Variants in SLC25A48 observed in about 807,000 individuals in gnomAD.
SLC25A48 encodes the protein solute carrier family 25 member 48.
Under a neutral mutation model 32.2 loss-of-function variants are expected in SLC25A48, and 29 were observed. The ratio of observed to expected loss-of-function variants is 0.90; its 90% confidence interval spans 0.67 to 1.23. The LOEUF is 1.23. Among genes scored for constraint, SLC25A48 ranks in the 50% most tolerant of loss-of-function variants. The pLI is 0.00. For missense variants in SLC25A48, 399 were observed against 422.7 expected (o/e 0.94, Z 0.49); for synonymous variants, 164 against 172.3 (o/e 0.95, Z 0.38).
At chr5:135,882,618 C>T (rs1762556904) in intron 7 of SLC25A48, among the ~76,000 whole-genome samples, 1 of 152,084 alleles carries the variant, frequency 6.6e-6, no homozygotes, top group South Asian at 2.1e-4. Flanking sequence ...GAGATATCCC[C>T]CAGCTTTTCC....
chr5:135,694,921 G>C (rs1431692607), intron 3 of SLC25A48, among the ~76,000 whole-genome samples: 1 of 152,088 alleles, frequency 6.6e-6, no homozygotes, highest in Admixed American at 6.5e-5. Flanking sequence ...TTCTTCAAAG[G>C]CTTCCCAAGC....
intron 7 of SLC25A48, among the ~76,000 whole-genome samples, chr5:135,880,936 C>G (rs1359966275): frequency 5.3e-5 from 8 of 151,992 alleles, no homozygotes; most frequent in Non-Finnish European, 1.2e-4. Context: ...TGCAGACCAT[C>G]CCCCACCCCC....
Position 135,661,868 on chromosome 5 carries a change from G to A in SLC25A48, c.-521+26912G>A, listed in dbSNP as rs566218162. ...CCCTACAGTGTGGATATACCACAGTGTAGTTTACTCATGCTTCACAGATGA... is the reference window on the plus strand; with the variant it reads ...CCCTACAGTGTGGATATACCACAGTATAGTTTACTCATGCTTCACAGATGA... On this transcript the variant is annotated intron_variant, in intron 3 of 10. Coordinates refer to the SLC25A48 transcript ENST00000646290. Among the ~76,000 whole-genome samples, 14 of 152,292 alleles carry A rather than the reference G, an allele frequency of 9.2e-5. No individual in the cohort carries two copies. The South Asian group carries it at 2.9e-3, about 32-fold the overall frequency.
intron 3 of SLC25A48, among the ~76,000 whole-genome samples, chr5:135,755,945 A>G (rs1283536322): frequency 1.3e-5 from 2 of 152,118 alleles, no homozygotes; most frequent in African/African-American, 2.4e-5. Context: ...TGTAGTGTCA[A>G]CGCACTATAC....
chr5:135,888,046 A>G lies in SLC25A48; in HGVS notation c.*22A>G, dbSNP rs1762798179. The G allele has an allele frequency of 6.4e-7, 1 of 1,551,546 alleles. No homozygotes were observed. On this transcript the variant is annotated 3_prime_UTR_variant, in exon 8 of 8. Transcript: ENST00000681962. ...GCTGTTTCCAGGAGGTGAACACAGGATGACTACAGTGTTCCCTGGGCCTCA... is the reference window on the plus strand; with the variant it reads ...GCTGTTTCCAGGAGGTGAACACAGGGTGACTACAGTGTTCCCTGGGCCTCA...
At chr5:135,618,254 A>G (rs1028409688) in intron 1 of SLC25A48, among the ~76,000 whole-genome samples, 4 of 151,956 alleles carry the variant, frequency 2.6e-5, no homozygotes, top group Admixed American at 6.6e-5. Flanking sequence ...TTTGGTTTCT[A>G]TTTGCATTGA....
rs189831481 is a variant in SLC25A48 at position 135,730,883 on chromosome 5, C to T, written c.-520-81640C>T. ...TATCTCTGGTTTACAGAGGAGGAAA[C>T]TGAGGTTCAGAGGGGACCAGTTCAA... On this transcript the variant is annotated intron_variant, in intron 3 of 10. Transcript: ENST00000646290. 2.0e-3 allele frequency among the ~76,000 whole-genome samples: 297 copies of T among 152,252 alleles called. 1 individual carries two copies. Among genetic ancestry groups the T allele is most frequent in the African/African-American group, 6.9e-3 (287 of 41,560 alleles).
intron 3 of SLC25A48, among the ~76,000 whole-genome samples, chr5:135,644,954 GTTCAAA>G (rs200981033): frequency 0.012 from 1,837 of 152,202 alleles, 50 homozygotes; most frequent in African/African-American, 0.042. Flanking sequence ...GAGAACTCCA[GTTCAAA>G]TACAAGAACT....
At chr5:135,615,094 A>G (rs1752155977) in intron 1 of SLC25A48, among the ~76,000 whole-genome samples, 4 of 152,210 alleles carry the variant, frequency 2.6e-5, no homozygotes, top group African/African-American at 7.2e-5. Context: ...AGTCTCAGTT[A>G]TTTCTTTATA....
At chr5:135,711,026 T>G (rs781216685) in intron 3 of SLC25A48, among the ~76,000 whole-genome samples, 4 of 152,198 alleles carry the variant, frequency 2.6e-5, no homozygotes, top group Non-Finnish European at 5.9e-5. Context: ...AGCCTCGCCA[T>G]AAAATAGGAA....
chr5:135,665,881 A>G (rs898044624), intron 3 of SLC25A48, among the ~76,000 whole-genome samples: 1 of 151,924 alleles, frequency 6.6e-6, no homozygotes, highest in African/African-American at 2.4e-5. Context: ...TCCAGGTCCC[A>G]CACTTTGGCC....
intron 3 of SLC25A48, among the ~76,000 whole-genome samples, chr5:135,675,415 G>A (rs757442619): frequency 6.6e-6 from 1 of 151,690 alleles, no homozygotes. Context: ...ACCTTGGCCT[G>A]CATATGGATA....
At chr5:135,756,062 T>C (rs1755894899) in intron 3 of SLC25A48, among the ~76,000 whole-genome samples, 3 of 152,082 alleles carry the variant, frequency 2.0e-5, no homozygotes, top group African/African-American at 7.2e-5. Flanking sequence ...ATGGTATTAA[T>C]GAAATGTCGC....
At chr5:135,692,366 C>G (rs1347930601) in intron 3 of SLC25A48, among the ~76,000 whole-genome samples, 1 of 124,316 alleles carries the variant, frequency 8.0e-6, no homozygotes, top group Non-Finnish European at 1.7e-5. Flanking sequence ...AGTTCTTTGT[C>G]TGGCAGTGGG....
At chr5:135,699,694 T>C (rs1273766147) in intron 3 of SLC25A48, among the ~76,000 whole-genome samples, 1 of 152,230 alleles carries the variant, frequency 6.6e-6, no homozygotes, top group Non-Finnish European at 1.5e-5. Context: ...ACAATGGTAA[T>C]AGCCAGCATG....
chr5:135,759,225 G>A (rs1326945930), intron 3 of SLC25A48, among the ~76,000 whole-genome samples: 2 of 151,996 alleles, frequency 1.3e-5, no homozygotes, highest in East Asian at 3.9e-4. Flanking sequence ...ATCTGTGTGT[G>A]TATATATATA....
Position 135,773,333 on chromosome 5 carries a change from G to T in SLC25A48, c.-520-39190G>T, listed in dbSNP as rs1415242334. The stretch of plus-strand genomic sequence containing the variant: ...TATTAAGAAAAATATCATAGAAGGG[G>T]TGTACACACCTTGGATATTATGAAC... On this transcript the variant is annotated intron_variant, in intron 3 of 10. Transcript: ENST00000646290. 5.9e-5 allele frequency among the ~76,000 whole-genome samples: 9 copies of T among 151,480 alleles called. No homozygotes were observed. In the Middle Eastern group the frequency reaches 0.014, roughly 229 times the overall value.
chr5:135,871,688 T>C lies in SLC25A48; in HGVS notation c.649T>C (p.Cys217Arg). 6.2e-7 allele frequency: 1 copy of C among 1,613,806 alleles called. No homozygotes were observed. The highest frequency in any genetic ancestry group is 2.2e-5 in the East Asian group (1 of 44,870). Residue 217 changes from cysteine (C) to arginine (R), a missense_variant, in exon 5 of 8, where the codon TGT becomes CGT. Cys to Arg is a radical substitution (Grantham distance 180). Coordinates refer to ENST00000681962, the MANE Select transcript of SLC25A48 (RefSeq NM_001349336.2). ...TGAGGCCTGCACAGGCCCCAGCCCC[T>C]GTGCCGTGTGGCTGGCGGGCGGCAT... ...TPEACTGPSP[C>R]AVWLAGGMAG...
chr5:135,612,938 G>C (rs1752105623), intron 1 of SLC25A48, among the ~76,000 whole-genome samples: 1 of 152,196 alleles, frequency 6.6e-6, no homozygotes, highest in South Asian at 2.1e-4. Context: ...TGAATATCCA[G>C]TAGTTGGATT....
Sources: gnomAD v4.1 joint callset for allele counts (sites outside exome capture counted in the v4.1 genomes callset) on GRCh38, gnomAD v4.1.1 for gene constraint, MANE v1.5 for transcripts, NCBI Gene and HGNC (gene_info 2026-07-23, HGNC 2026-07-21) for gene names.